The following HSPH1 variants were observed in gnomAD, a reference collection of about 807,000 sequenced individuals.
The protein encoded by HSPH1 is heat shock protein 105 kDa.
HSPH1 carries 40 observed loss-of-function variants against 100.0 expected under a neutral mutation model. The ratio of observed to expected loss-of-function variants is 0.40; its 90% CI spans 0.31 to 0.52. The LOEUF (loss-of-function observed/expected upper bound fraction) is 0.52. Among genes scored for constraint, HSPH1 ranks in the 20% least tolerant of loss-of-function variants. HSPH1 has a pLI of 0.54. For missense variants in HSPH1, 876 were observed against 1,015.1 expected (o/e 0.86, Z 1.86); for synonymous variants, 403 against 344.0 (o/e 1.17, Z -1.90).
chr13:31,161,232 G>A (rs1956895594), intron 1 of HSPH1, among the ~76,000 whole-genome samples: 1 of 152,152 alleles, frequency 6.6e-6, no homozygotes, highest in Admixed American at 6.5e-5. Context: ...GACCCTTAGA[G>A]TCTCGACTCT....
chr13:31,159,956 A>AGGGGAGAATCAAATTAATT lies in HSPH1; in HGVS notation c.108-1112_108-1094dup, dbSNP rs565309941. Among the ~76,000 whole-genome samples the AGGGGAGAATCAAATTAATT allele has an allele frequency of 3.9e-3, 599 of 152,310 alleles. 1 individual carries two copies. The highest frequency in any genetic ancestry group is 5.8e-3 in the Non-Finnish European group (397 of 68,022). On this transcript the variant is annotated intron_variant, in intron 1 of 17. Coordinates refer to ENST00000320027, the MANE Select transcript of HSPH1 (RefSeq NM_006644.4). ...GCAGAATGGATCTACTCATTTTCCT[A>AGGGGAGAATCAAATTAATT]GGGGAGAATCAAATTAATTGTACTA...
At chr13:31,162,166 GT>G, upstream of HSPH1, 1 of 1,350,038 alleles carries the variant, frequency 7.4e-7, no homozygotes, top group Non-Finnish European at 1.0e-6. Flanking sequence ...AGCCACAGGC[GT>G]TTTGCTGCCC....
At chr13:31,143,959 G>A in intron 11 of HSPH1, 36 bp from the exon 12 acceptor site, 1 of 1,537,010 alleles carries the variant, frequency 6.5e-7, no homozygotes, top group Non-Finnish European at 8.8e-7. Flanking sequence ...GATGTAGAAA[G>A]CAGGTGTACT....
chr13:31,149,525 T>C (rs1410754054), intron 8 of HSPH1, among the ~76,000 whole-genome samples: 1 of 152,182 alleles, frequency 6.6e-6, no homozygotes, highest in African/African-American at 2.4e-5. Flanking sequence ...AAAAATCAAT[T>C]TGGGGATAAG....
In HSPH1 at chr13:31,150,829, C is replaced by T. The variant is rs891264478; in HGVS notation, c.908+118G>A. On this transcript the variant is annotated intron_variant, in intron 7 of 17. Transcript: ENST00000320027. ...AAACAACAGCATCTCCAGCCACAGG[C>T]ATGTAACACACAATTCTGAAATGTA... The T allele has an allele frequency of 3.0e-6, 3 of 983,738 alleles. No homozygotes were observed. The African/African-American group carries it at 4.9e-5, about 16-fold the overall frequency. 60.9% of individuals were successfully genotyped at this position (983,738 alleles called of 1,614,324 possible).
chr13:31,162,171 G>A (rs79075169), upstream of HSPH1: 2,390 of 1,309,054 alleles, frequency 1.8e-3, 35 homozygotes, highest in East Asian at 0.028. Flanking sequence ...CAGGCGTTTT[G>A]CTGCCCTAAT....
At chr13:31,149,868 T>A (rs544891685) in intron 8 of HSPH1, 86 bp downstream of exon 8, 133 of 1,034,240 alleles carry the variant, frequency 1.3e-4, no homozygotes, top group Admixed American at 5.4e-4. Context: ...TAGACACAGG[T>A]CTCTGTTTAT....
In HSPH1 at chr13:31,161,588, GCTCGCGGTCCGC is replaced by G. The variant is rs754513735; in HGVS notation, c.-18_-7del. On this transcript the variant is annotated 5_prime_UTR_variant, in exon 1 of 18. Transcript: ENST00000320027. The stretch of plus-strand genomic sequence containing the variant: ...TCCAACCCCACCACCGACATGGCCG[GCTCGCGGTCCGC>G]CTCCGCCTCGGGTCTCGGTCTGCGT... 6 of 1,612,286 alleles carry G rather than the reference GCTCGCGGTCCGC, an allele frequency of 3.7e-6. No homozygotes were observed. Among genetic ancestry groups the G allele is most frequent in the Non-Finnish European group, 5.1e-6 (6 of 1,179,522 alleles).
chr13:31,162,126 C>T, upstream of HSPH1: 2 of 1,531,084 alleles, frequency 1.3e-6, no homozygotes, highest in South Asian at 1.2e-5. Flanking sequence ...GTGCCATTGG[C>T]TCAAACCTGC....
chr13:31,151,713 C>T lies in HSPH1; in HGVS notation c.559G>A (p.Asp187Asn), dbSNP rs1202613873. Residue 187 changes from aspartate (D) to asparagine (N), a missense_variant, in exon 6 of 18, where the codon GAT becomes AAT. Coordinates refer to ENST00000320027, the MANE Select transcript of HSPH1 (RefSeq NM_006644.4). ...GGTTTCTCATCCAGGCTTGGGAGAT[C>T]CTGCTTATAAATTCCGTAATTCAAA... ...VALNYGIYKQ[D>N]LPSLDEKPRI... 3 of 1,610,220 alleles carry T rather than the reference C, an allele frequency of 1.9e-6. No individual in the cohort carries two copies.
intron 11 of HSPH1, 58 bp from the exon 12 acceptor site, chr13:31,143,981 T>C: frequency 7.2e-7 from 1 of 1,388,492 alleles, no homozygotes; most frequent in Non-Finnish European, 9.5e-7. Context: ...GTATAAATTT[T>C]TAAAGTTAAA....
At chr13:31,154,381 G>T in intron 4 of HSPH1, 1 of 524,624 alleles carries the variant, frequency 1.9e-6, no homozygotes, top group Non-Finnish European at 3.4e-6. Flanking sequence ...ACTCACAAAT[G>T]GAACCAGTCA....
chr13:31,149,863 A>G (rs1424256567), intron 8 of HSPH1, 91 bp downstream of exon 8: 2 of 993,222 alleles, frequency 2.0e-6, no homozygotes, highest in East Asian at 4.8e-5. Flanking sequence ...CTACCTAGAC[A>G]CAGGTCTCTG....
chr13:31,140,134 A>G (rs773783686), intron 14 of HSPH1, 50 bp downstream of exon 14: 19 of 1,502,136 alleles, frequency 1.3e-5, no homozygotes, highest in Non-Finnish European at 1.6e-5. Flanking sequence ...TTTTGATATT[A>G]AACACTTCAT....
In HSPH1 at chr13:31,139,104, G is replaced by C; in HGVS notation, c.1984C>G (p.His662Asp). The C allele has an allele frequency of 6.3e-7, 1 of 1,582,976 alleles. No individual in the cohort carries two copies. Among genetic ancestry groups the C allele is most frequent in the Non-Finnish European group, 8.7e-7 (1 of 1,152,054 alleles). Residue 662 changes from histidine (H) to aspartate (D), a missense_variant, in exon 15 of 18, where the codon CAT (histidine) becomes GAT (aspartate). Coordinates refer to ENST00000320027, the MANE Select transcript of HSPH1 (RefSeq NM_006644.4). Reference sequence around the variant, plus strand: ...GTGAGGAGTCTCAAAAAATTTTGATGATCCTTAACACAAAATATGACAATA... The same window carrying C: ...GTGAGGAGTCTCAAAAAATTTTGATCATCCTTAACACAAAATATGACAATA... ...PYEKFICEQD[H>D]QNFLRLLTET... is the part of the protein sequence containing the mutation.
chr13:31,147,973 G>A lies in HSPH1; in HGVS notation c.1364C>T (p.Pro455Leu). The A allele has an allele frequency of 6.3e-7, 1 of 1,590,676 alleles. No individual in the cohort carries two copies. The highest frequency in any genetic ancestry group is 8.5e-7 in the Non-Finnish European group (1 of 1,173,632). ...FYSDPQGVPY[P>L]EAKIGRFVVQ... is the part of the protein sequence containing the mutation. The stretch of plus-strand genomic sequence containing the variant: ...GAACTCCTTACCTATTTTTGCTTCT[G>A]GATATGGAACTCCTTGGGGATCAGA... The change falls in exon 10 of 18, where the codon CCA becomes CTA. Residue 455 changes from proline (P) to leucine (L), a missense_variant. Physicochemically the swap from Pro to Leu is moderately conservative, Grantham distance 98 (BLOSUM62 -3). Transcript: ENST00000320027.
rs370108462 is a variant in HSPH1, at chr13:31,138,928, T to C, written c.2089-28A>G. ...AAAATAAAATGTAATAAATTAATAG[T>C]TATCATAATTTTATTTTAAAGTCTA... On this transcript the variant is annotated intron_variant, in intron 15 of 17. Transcript: ENST00000320027. 193 of 1,572,404 alleles carry C rather than the reference T, an allele frequency of 1.2e-4. No individual in the cohort carries two copies. The East Asian group carries it at 4.3e-3, about 35-fold the overall frequency.
rs1956469468 is a variant in HSPH1, at chr13:31,151,064, A to C, written c.791T>G (p.Leu264Arg). 1 of 1,613,856 alleles carries C rather than the reference A, an allele frequency of 6.2e-7. No individual in the cohort carries two copies. Among genetic ancestry groups the C allele is most frequent in the Non-Finnish European group, 8.5e-7 (1 of 1,179,838 alleles). ...LDAKSKIRAL[L>R]RLYQECEKLK... Reference sequence around the variant, plus strand: ...TTTTTCACATTCCTGATACAGACGTAGGAGTGCTCGTATTTTGGATTTTGC... The same window carrying C: ...TTTTTCACATTCCTGATACAGACGTCGGAGTGCTCGTATTTTGGATTTTGC... Residue 264 changes from leucine to arginine, a missense_variant, in exon 7 of 18, where the codon CTA (leucine) becomes CGA (arginine). Coordinates refer to ENST00000320027, the MANE Select transcript of HSPH1 (RefSeq NM_006644.4).
intron 11 of HSPH1, among the ~76,000 whole-genome samples, chr13:31,144,954 C>T (rs1296288295): frequency 6.6e-6 from 1 of 152,162 alleles, no homozygotes; most frequent in Non-Finnish European, 1.5e-5. Context: ...CCCTCTTAAG[C>T]TATTTCTAGT....
Sources: gnomAD v4.1 joint callset for allele counts (sites outside exome capture counted in the v4.1 genomes callset) on GRCh38, gnomAD v4.1.1 for gene constraint, MANE v1.5 for transcripts, NCBI Gene and HGNC (gene_info 2026-07-23, HGNC 2026-07-21) for gene names.